The following SSPN variants were observed in gnomAD, a reference collection of about 807,000 sequenced individuals.
The protein encoded by SSPN is K-ras oncogene-associated protein.
Under a neutral mutation model 19.1 loss-of-function variants are expected in SSPN, and 15 were observed. The ratio of observed to expected loss-of-function variants is 0.78; its 90% CI spans 0.52 to 1.21. The LOEUF is 1.21. Among genes scored for constraint, SSPN ranks in the 50% most tolerant of loss-of-function variants. The pLI, the probability that SSPN is intolerant of heterozygous loss-of-function variation, is 0.00. For missense variants in SSPN, 291 were observed against 314.0 expected, an observed-to-expected ratio of 0.93 and a Z score of 0.55; for synonymous variants, 147 against 140.3, an observed-to-expected ratio of 1.05 and a Z score of -0.34.
chr12:26,188,404 C>T (rs1022397888), intron 1 of SSPN, among the ~76,000 whole-genome samples: 1 of 152,164 alleles, frequency 6.6e-6, no homozygotes, highest in Non-Finnish European at 1.5e-5. Context: ...TACAAATGAT[C>T]AAAGATGTCA....
intron 1 of SSPN, among the ~76,000 whole-genome samples, chr12:26,187,198 C>A (rs557197131): frequency 6.6e-6 from 1 of 152,366 alleles, no homozygotes; most frequent in East Asian, 1.9e-4. Flanking sequence ...GGCAGAGATG[C>A]CAAGCTTGGC....
intron 1 of SSPN, among the ~76,000 whole-genome samples, chr12:26,188,044 G>C (rs1355910566): frequency 6.6e-6 from 1 of 152,226 alleles, no homozygotes; most frequent in East Asian, 1.9e-4. Flanking sequence ...ACCAGGAAAT[G>C]TTCTCCATGT....
chr12:26,221,420 G>GT (rs1298674455), intron 1 of SSPN, among the ~76,000 whole-genome samples: 2 of 152,100 alleles, frequency 1.3e-5, no homozygotes. Flanking sequence ...ATAGTCCTTG[G>GT]TGTAAGGGCC....
chr12:26,185,734 G>A (rs1019073295), intron 1 of SSPN, among the ~76,000 whole-genome samples: 2 of 152,190 alleles, frequency 1.3e-5, no homozygotes, highest in Non-Finnish European at 2.9e-5. Flanking sequence ...CCAAGTCTGT[G>A]AGTGATCAGT....
chr12:26,145,321 G>C (rs938314382), intron 1 of SSPN, among the ~76,000 whole-genome samples: 7 of 152,182 alleles, frequency 4.6e-5, no homozygotes, highest in Non-Finnish European at 4.4e-5. Context: ...AGAAAGGCTG[G>C]GAAACGACTC....
chr12:26,153,563 G>T (rs1472334557), intron 1 of SSPN, among the ~76,000 whole-genome samples: 1 of 152,158 alleles, frequency 6.6e-6, no homozygotes, highest in Non-Finnish European at 1.5e-5. Flanking sequence ...GAATGAATGT[G>T]TGCATAAATG....
intron 1 of SSPN, among the ~76,000 whole-genome samples, chr12:26,147,366 G>A (rs918487211): frequency 1.3e-5 from 2 of 150,652 alleles, no homozygotes; most frequent in Non-Finnish European, 2.9e-5. Context: ...TCCGCCTCCC[G>A]GTTCAAGTGA....
chr12:26,123,477 C>T (rs957938176), intron 1 of SSPN, among the ~76,000 whole-genome samples: 1 of 152,082 alleles, frequency 6.6e-6, no homozygotes, highest in African/African-American at 2.4e-5. Flanking sequence ...TGGGCTCGTT[C>T]CAATGAAGGG....
intron 1 of SSPN, chr12:26,181,222 T>G (rs1396718022): frequency 6.6e-6 from 1 of 151,312 alleles, no homozygotes; most frequent in South Asian, 2.1e-4. Context: ...TTACTACTCA[T>G]TTTTTTTTGT....
intron 1 of SSPN, among the ~76,000 whole-genome samples, chr12:26,189,376 G>C (rs1022622963): frequency 6.6e-6 from 1 of 152,064 alleles, no homozygotes; most frequent in Non-Finnish European, 1.5e-5. Flanking sequence ...ACATTCATAC[G>C]TACATATCTA....
At chr12:26,160,137 G>C (rs987463869) in intron 1 of SSPN, among the ~76,000 whole-genome samples, 3 of 152,368 alleles carry the variant, frequency 2.0e-5, no homozygotes, top group African/African-American at 7.2e-5. Context: ...ATCTGTCCTG[G>C]TTGGAGCAGG....
In SSPN at chr12:26,234,326, T is replaced by G. The variant is rs971240894; in HGVS notation, c.*3250T>G. ...TCCTTTCCTATCATGAAGAGTACCT[T>G]CATATTTTCTAGAGATTGTCTCTGA... On this transcript the variant is annotated 3_prime_UTR_variant, in exon 3 of 3. Coordinates refer to ENST00000242729, the MANE Select transcript of SSPN (RefSeq NM_005086.5). The G allele has an allele frequency of 2.0e-5, 3 of 152,202 alleles. No individual in the cohort carries two copies. Among genetic ancestry groups the G allele is most frequent in the Non-Finnish European group, 4.4e-5 (3 of 68,034 alleles). The allele number at this position is 152,202 out of a possible 1,614,324, so 9.4% of individuals were successfully genotyped here.
chr12:26,212,264 C>T (rs1459326960), intron 1 of SSPN, among the ~76,000 whole-genome samples: 2 of 152,104 alleles, frequency 1.3e-5, no homozygotes, highest in Non-Finnish European at 2.9e-5. Context: ...CAGATATCAA[C>T]TCCTCAGGTA....
At chr12:26,191,132 A>G (rs564864093), upstream of SSPN, among the ~76,000 whole-genome samples, 2 of 152,348 alleles carry the variant, frequency 1.3e-5, no homozygotes, top group African/African-American at 2.4e-5. Context: ...CTGTATGGAT[A>G]TGCCACAATT....
intron 1 of SSPN, among the ~76,000 whole-genome samples, chr12:26,149,849 C>A (rs866232145): frequency 6.6e-6 from 1 of 152,144 alleles, no homozygotes; most frequent in Non-Finnish European, 1.5e-5. Flanking sequence ...CATACTGCAC[C>A]TGAAATTTTT....
At chr12:26,159,452 G>T (rs886183724) in intron 1 of SSPN, among the ~76,000 whole-genome samples, 4 of 152,252 alleles carry the variant, frequency 2.6e-5, no homozygotes, top group Non-Finnish European at 5.9e-5. Context: ...TGTCCTGGAG[G>T]TCTGGAAAGA....
intron 2 of SSPN, among the ~76,000 whole-genome samples, 166 bp from the exon 3 acceptor site, chr12:26,230,545 A>G (rs1271344198): frequency 1.3e-5 from 2 of 152,244 alleles, no homozygotes; most frequent in African/African-American, 2.4e-5. Context: ...ATAAATAAAC[A>G]TGGAGCTATT....
intron 1 of SSPN, among the ~76,000 whole-genome samples, chr12:26,159,461 G>A (rs1481075852): frequency 6.6e-6 from 1 of 152,222 alleles, no homozygotes; most frequent in Non-Finnish European, 1.5e-5. Context: ...GGTCTGGAAA[G>A]ATGGGTTGTG....
At chr12:26,153,045 G>A (rs907820561) in intron 1 of SSPN, among the ~76,000 whole-genome samples, 1 of 152,160 alleles carries the variant, frequency 6.6e-6, no homozygotes, top group Admixed American at 6.5e-5. Flanking sequence ...CATTGTTCAG[G>A]TTCTAGCTGA....
Sources: allele counts gnomAD v4.1 joint callset (sites outside exome capture counted in the v4.1 genomes callset), GRCh38; gene constraint gnomAD v4.1.1; transcripts MANE v1.5; gene names NCBI Gene and HGNC (gene_info 2026-07-23, HGNC 2026-07-21).